The following KDM6A variants were observed in gnomAD, a reference collection of about 807,000 sequenced individuals.
KDM6A encodes the protein lysine-specific demethylase 6A.
Under a neutral mutation model 117.6 loss-of-function variants are expected in KDM6A, and 11 were observed. The ratio of observed to expected loss-of-function variants is 0.09; its 90% CI spans 0.06 to 0.15. The LOEUF is 0.15. Ranked by LOEUF, KDM6A falls within the 10% of genes least tolerant of loss-of-function variation. The pLI is 1.00. For synonymous variants in KDM6A, 384 were observed against 396.1 expected, an observed-to-expected ratio of 0.97 and a Z score of 0.36; for missense variants, 799 against 1,077.3, an observed-to-expected ratio of 0.74 and a Z score of 3.62.
chrX:44,893,594 C>T (rs1444312709), intron 2 of KDM6A, among the ~76,000 whole-genome samples: 1 of 105,964 alleles, frequency 9.4e-6, no homozygotes, highest in Non-Finnish European at 1.9e-5. Flanking sequence ...ACCACAACCT[C>T]CGCCTCCTGG....
chrX:45,040,621 G>T (rs1460128021), intron 8 of KDM6A, among the ~76,000 whole-genome samples: 1 of 88,877 alleles, frequency 1.1e-5, no homozygotes, highest in African/African-American at 4.4e-5. Context: ...GCCAGGCGGG[G>T]GGCTGATCAC....
At chrX:45,061,005 C>T (rs2044264522) in intron 14 of KDM6A, among the ~76,000 whole-genome samples, 1 of 111,271 alleles carries the variant, frequency 9.0e-6, no homozygotes, top group African/African-American at 3.3e-5. Context: ...GCACACTTTT[C>T]ATCATCACTT....
chrX:45,071,845 C>G (rs1054444891), intron 18 of KDM6A, among the ~76,000 whole-genome samples: 1 of 110,594 alleles, frequency 9.0e-6, no homozygotes, highest in African/African-American at 3.3e-5. Context: ...TTTCAACTTA[C>G]CGCACGCTCT....
At chrX:45,094,627 G>A (rs188162997) in intron 27 of KDM6A, among the ~76,000 whole-genome samples, 2 of 111,716 alleles carry the variant, frequency 1.8e-5, no homozygotes, top group African/African-American at 6.5e-5. Context: ...GTCTTCAACC[G>A]CTAAAGTCAT....
At chrX:45,034,505 T>C (rs1008253662) in intron 6 of KDM6A, among the ~76,000 whole-genome samples, 2 of 111,764 alleles carry the variant, frequency 1.8e-5, no homozygotes, top group Admixed American at 1.9e-4. Context: ...TTTTTTTGTT[T>C]CAGAAGTCCA....
intron 2 of KDM6A, among the ~76,000 whole-genome samples, chrX:44,958,298 C>G (rs1249942895): frequency 9.2e-6 from 1 of 108,435 alleles, no homozygotes; most frequent in Non-Finnish European, 1.9e-5. Flanking sequence ...TTCTCTTGCC[C>G]CAGCCTCCTG....
chrX:45,074,833 A>G (rs761772362), intron 18 of KDM6A, among the ~76,000 whole-genome samples: 13 of 111,578 alleles, frequency 1.2e-4, no homozygotes, highest in Non-Finnish European at 2.5e-4. Context: ...TGGCAACAAC[A>G]TTTTCCATTG....
chrX:45,024,862 G>A (rs1313828598), intron 6 of KDM6A, among the ~76,000 whole-genome samples: 1 of 111,338 alleles, frequency 9.0e-6, no homozygotes, highest in South Asian at 3.7e-4. Flanking sequence ...AGAAATAAAT[G>A]TTCCTGTCTT....
chrX:44,884,810 T>C (rs1405253174), intron 2 of KDM6A, among the ~76,000 whole-genome samples: 1 of 111,777 alleles, frequency 8.9e-6, no homozygotes, highest in Non-Finnish European at 1.9e-5. Context: ...TTTTAGGTCC[T>C]CTTTACTCAC....
At chrX:44,898,159 A>G (rs1030489824) in intron 2 of KDM6A, among the ~76,000 whole-genome samples, 2 of 111,682 alleles carry the variant, frequency 1.8e-5, no homozygotes, top group African/African-American at 6.5e-5. Context: ...AGAGAGAAGT[A>G]GGGAGGCTAT....
intron 2 of KDM6A, among the ~76,000 whole-genome samples, chrX:44,943,928 A>G (rs1175190583): frequency 8.9e-6 from 1 of 111,973 alleles, no homozygotes; most frequent in Admixed American, 9.5e-5. Context: ...TGAGAGTTCC[A>G]CTTGTTCTGC....
chrX:44,978,075 A>G (rs529831869), intron 4 of KDM6A, among the ~76,000 whole-genome samples: 35 of 112,241 alleles, frequency 3.1e-4, no homozygotes, highest in South Asian at 1.1e-3. Flanking sequence ...AGTCAGATTG[A>G]TCAGTCTTCT....
At chrX:44,884,390 CG>C (rs1216395073) in intron 2 of KDM6A, among the ~76,000 whole-genome samples, 1 of 110,859 alleles carries the variant, frequency 9.0e-6, no homozygotes, top group Non-Finnish European at 1.9e-5. Context: ...ACTTCAGTAC[CG>C]ATGGGTAGAT....
chrX:44,948,765 G>C (rs2037812715), intron 2 of KDM6A, among the ~76,000 whole-genome samples: 2 of 112,254 alleles, frequency 1.8e-5, no homozygotes, highest in Admixed American at 1.9e-4. Context: ...TTATGATGTA[G>C]TATACTGAGA....
chrX:45,007,059 T>C (rs1351800543), intron 4 of KDM6A, among the ~76,000 whole-genome samples: 3 of 112,165 alleles, frequency 2.7e-5, no homozygotes, highest in Non-Finnish European at 5.6e-5. Context: ...ATTGATCCAG[T>C]CATAGTGAAA....
chrX:45,061,859 C>A (rs1471235178), intron 15 of KDM6A, among the ~76,000 whole-genome samples: 1 of 109,045 alleles, frequency 9.2e-6, no homozygotes, highest in Non-Finnish European at 1.9e-5. Context: ...TAAAATGAGC[C>A]TGCATTTACC....
chrX:45,054,016 C>T lies in KDM6A; in HGVS notation c.875+61C>T, dbSNP rs1266713916. ...TATTCCAGCTAAGAGATTTGAATTA[C>T]AATTTAAAATGTTAGTTTACATATG... On this transcript the variant is annotated intron_variant, in intron 10 of 29. Coordinates refer to ENST00000611820, the MANE Select transcript of KDM6A (RefSeq NM_001291415.2). The T allele has an allele frequency of 7.3e-6, 8 of 1,093,946 alleles. No individual in the cohort carries two copies. In the East Asian group the frequency reaches 1.5e-4, roughly 21 times the overall value. The allele number at this position is 1,093,946 out of a possible 1,213,427, so 90.2% of individuals were successfully genotyped here. A position where few individuals can be genotyped will look rare whatever the true frequency, so the allele number is the denominator to read the frequency against.
rs778778940 is a variant in KDM6A, at chrX:45,076,681, T to C, written c.2859-16T>C. On this transcript the variant is annotated splice_polypyrimidine_tract_variant and intron_variant, in intron 18 of 29. Coordinates refer to ENST00000611820, the MANE Select transcript of KDM6A (RefSeq NM_001291415.2). ...AATAAATGTACAACTGATTATCCCT[T>C]TTTTTTTTTTTCCAGGAATCTAGGT... 3,285 of 185,581 alleles carry C rather than the reference T, an allele frequency of 0.018. 24 individuals carry two copies. The East Asian group carries it at 0.27, about 15-fold the overall frequency. The allele number at this position is 185,581 out of a possible 1,213,427, so 15.3% of individuals were successfully genotyped here.
rs915879265 is a variant in KDM6A, at chrX:45,015,004, G to A, written c.443+3985G>A. ...TTACTTTGACATAAAAAAGGATTAGGAGAATGAGGTAGAAATGAATTCAGA... is the reference window on the plus strand; with the variant it reads ...TTACTTTGACATAAAAAAGGATTAGAAGAATGAGGTAGAAATGAATTCAGA... On this transcript the variant is annotated intron_variant, in intron 5 of 29. Coordinates refer to ENST00000611820, the MANE Select transcript of KDM6A (RefSeq NM_001291415.2). Among the ~76,000 whole-genome samples the A allele has an allele frequency of 2.7e-5, 3 of 112,212 alleles. No individual in the cohort carries two copies. The Admixed American group carries it at 2.8e-4, about 11-fold the overall frequency.
Sources: allele counts gnomAD v4.1 joint callset (sites outside exome capture counted in the v4.1 genomes callset), GRCh38; gene constraint gnomAD v4.1.1; transcripts MANE v1.5; gene names NCBI Gene and HGNC (gene_info 2026-07-23, HGNC 2026-07-21).